Variants in SAYSD1 observed in about 807,000 individuals in gnomAD.
SAYSD1 encodes SAYSVFN motif domain containing 1.
SAYSD1 carries 15 observed loss-of-function variants against 14.5 expected under a neutral mutation model. The observed-to-expected ratio is 1.03, with a 90% confidence interval of 0.69 to 1.59. The LOEUF (loss-of-function observed/expected upper bound fraction) is 1.59, where lower values mean the gene tolerates loss of function less well. Among genes scored for constraint, SAYSD1 ranks in the 40% most tolerant of loss-of-function variants. SAYSD1 has a pLI of 0.00. For missense variants in SAYSD1, 247 were observed against 227.3 expected (o/e 1.09, Z -0.56); for synonymous variants, 105 against 102.6 (o/e 1.02, Z -0.14).
intron 1 of SAYSD1, 98 bp downstream of exon 1, chr6:39,114,785 G>C: frequency 2.4e-6 from 3 of 1,245,648 alleles, no homozygotes; most frequent in Admixed American, 3.8e-5. Context: ...CAGTAGCCCC[G>C]CCTCCGGCAG....
intron 1 of SAYSD1, among the ~76,000 whole-genome samples, chr6:39,108,433 G>A (rs1769544125): frequency 6.7e-6 from 1 of 149,720 alleles, no homozygotes; most frequent in African/African-American, 2.5e-5. Flanking sequence ...TGGGGGTGGG[G>A]GGGTAAACAA....
chr6:39,110,790 T>C (rs1005862322), intron 1 of SAYSD1: 8 of 152,188 alleles, frequency 5.3e-5, no homozygotes, highest in African/African-American at 1.9e-4. Flanking sequence ...CAGGTATAGT[T>C]AGCATTCTTC....
At chr6:39,108,764 G>C (rs1769565039) in intron 1 of SAYSD1, among the ~76,000 whole-genome samples, 1 of 152,188 alleles carries the variant, frequency 6.6e-6, no homozygotes, top group East Asian at 1.9e-4. Context: ...TTTTTGCCAG[G>C]GTGGTTCCTT....
At chr6:39,113,920 C>A (rs1249489830) in intron 1 of SAYSD1, among the ~76,000 whole-genome samples, 1 of 152,140 alleles carries the variant, frequency 6.6e-6, no homozygotes, top group Non-Finnish European at 1.5e-5. Flanking sequence ...CTGAGAATAT[C>A]AAATCAAAAT....
rs138955257 is a variant in SAYSD1, at chr6:39,105,569, G to A, written c.415C>T (p.Arg139Ter). Residue 139 changes from arginine (R) to a stop codon, truncating the protein, a stop_gained, in exon 2 of 2, where the codon CGA (arginine) becomes TGA (stop). Transcript: ENST00000229903. LOFTEE classifies it high-confidence loss of function. The stretch of plus-strand genomic sequence containing the variant: ...CCCTCTTTCTTCTCTTCAGGGCCTC[G>A]TGTCCCGACGTACATCCAATAGAAC... The part of the protein sequence containing the change: ...SLFYWMYVGT[R>*]GPEEKKEGEK... The A allele has an allele frequency of 3.4e-4, 547 of 1,613,966 alleles. 1 individual carries two copies. The highest frequency in any genetic ancestry group is 4.2e-4 in the Non-Finnish European group (496 of 1,179,998).
At chr6:39,112,905 G>A (rs930099277) in intron 1 of SAYSD1, 1 of 154,822 alleles carries the variant, frequency 6.5e-6, no homozygotes, top group Non-Finnish European at 1.5e-5. Context: ...AGCAGAAGGA[G>A]AAGTAAGTAT....
Sources: allele counts gnomAD v4.1 joint callset (sites outside exome capture counted in the v4.1 genomes callset), GRCh38; gene constraint gnomAD v4.1.1; transcripts MANE v1.5; gene names NCBI Gene and HGNC (gene_info 2026-07-23, HGNC 2026-07-21).